Variants in FES observed in about 807,000 individuals in gnomAD.
FES encodes FES proto-oncogene, tyrosine kinase.
In FES, 83 loss-of-function variants were observed where a neutral mutation model predicts 109.6. The ratio of observed to expected loss-of-function variants is 0.76; its 90% CI spans 0.63 to 0.91. The LOEUF (loss-of-function observed/expected upper bound fraction) is 0.91, where lower values mean the gene tolerates loss of function less well. Among genes scored for constraint, FES ranks in the 40% least tolerant of loss-of-function variants. The probability of loss-of-function intolerance (pLI) is 0.00; values close to 1 mark genes in which losing one functional copy is unlikely to be tolerated. For synonymous variants in FES, 458 were observed against 442.1 expected, an observed-to-expected ratio of 1.04 and a Z score of -0.45; for missense variants, 943 against 1,070.9, an observed-to-expected ratio of 0.88 and a Z score of 1.67.
intron 18 of FES, 141 bp downstream of exon 18, chr15:90,894,199 C>T (rs1454637547): frequency 7.9e-6 from 8 of 1,014,676 alleles, no homozygotes; most frequent in East Asian, 2.4e-5. Context: ...CCTGTCATCC[C>T]AGCACTTTGG....
chr15:90,888,168 T>C (rs567859346), intron 5 of FES, among the ~76,000 whole-genome samples: 159 of 152,310 alleles, frequency 1.0e-3, no homozygotes, highest in Middle Eastern at 6.8e-3. Flanking sequence ...TGCAGTGGCA[T>C]GATCTCGGCT....
chr15:90,886,957 C>T lies in FES; in HGVS notation c.388-4C>T. ...CCCCACACTGGCCTCTCCTCTCTCC[C>T]TAGACCCACAGCCAGGACATTGAGA... On this transcript the variant is annotated splice_region_variant and splice_polypyrimidine_tract_variant and intron_variant, in intron 3 of 18. Transcript: ENST00000328850. 1 of 1,614,052 alleles carries T rather than the reference C, an allele frequency of 6.2e-7. No individual in the cohort carries two copies. Among genetic ancestry groups the T allele is most frequent in the African/African-American group, 1.3e-5 (1 of 75,062 alleles).
At chr15:90,887,129 G>A (rs2032720525) in intron 4 of FES, 58 bp from the exon 5 acceptor site, 2 of 1,612,306 alleles carry the variant, frequency 1.2e-6, no homozygotes, top group African/African-American at 1.3e-5. Flanking sequence ...TACCCAGAGA[G>A]TGGGGGCTGC....
In FES at chr15:90,887,177, C is replaced by A; in HGVS notation, c.485-10C>A. On this transcript the variant is annotated splice_polypyrimidine_tract_variant and intron_variant, in intron 4 of 18. Coordinates refer to ENST00000328850, the MANE Select transcript of FES (RefSeq NM_002005.4). ...GCTGTCATCTATACCCCTTGCCCCCCTTCTGGCAGACAAGGACCGTGACAA... is the reference window on the plus strand; with the variant it reads ...GCTGTCATCTATACCCCTTGCCCCCATTCTGGCAGACAAGGACCGTGACAA... 2 of 1,612,464 alleles carry A rather than the reference C, an allele frequency of 1.2e-6. No individual in the cohort carries two copies. The highest frequency in any genetic ancestry group is 1.7e-6 in the Non-Finnish European group (2 of 1,178,890).
At chr15:90,895,283 C>A in intron 18 of FES, 133 bp from the exon 19 acceptor site, 1 of 740,988 alleles carries the variant, frequency 1.3e-6, no homozygotes, top group Non-Finnish European at 2.0e-6. Flanking sequence ...CCTTTGGGCC[C>A]TTGGTGGAGA....
chr15:90,891,108 CG>C lies in FES; in HGVS notation c.1450del (p.Glu484ArgfsTer48). 1 of 1,587,340 alleles carries C rather than the reference CG, an allele frequency of 6.3e-7. No homozygotes were observed. Among genetic ancestry groups the C allele is most frequent in the Non-Finnish European group, 8.6e-7 (1 of 1,166,680 alleles). On this transcript the variant is annotated frameshift_variant, in exon 11 of 19. Coordinates refer to ENST00000328850, the MANE Select transcript of FES (RefSeq NM_002005.4). LOFTEE classifies it high-confidence loss of function. ...LLVHSGDFLV[R>X]ESQGKQEYVL... is the part of the protein sequence containing the mutation. ...GGTGCACTCTGGGGACTTCCTGGTG[CG>C]GGAGAGCCAGGGCAAGCAGGAGTAC...
At chr15:90,885,928 CTGTT>C (rs1387843209) in intron 3 of FES, among the ~76,000 whole-genome samples, 1 of 151,804 alleles carries the variant, frequency 6.6e-6, no homozygotes, top group Non-Finnish European at 1.5e-5. Context: ...GAGGGTCAGT[CTGTT>C]TGCCTTCGAC....
rs1293284912 is a variant in FES at position 90,891,921 on chromosome 15, T to C, written c.1654-137T>C. The C allele has an allele frequency of 1.3e-5, 15 of 1,140,250 alleles. No homozygotes were observed. In the East Asian group the frequency reaches 3.3e-4, roughly 25 times the overall value. 70.6% of individuals were successfully genotyped at this position (1,140,250 alleles called of 1,614,324 possible). A position where few individuals can be genotyped will look rare whatever the true frequency, so the allele number is the denominator to read the frequency against. On this transcript the variant is annotated intron_variant, in intron 12 of 18. Transcript: ENST00000328850. ...CAGGGCACCTGCCTGGACCCCGTAG[T>C]CATCTCAGTGTGCTCCCCACGTGGT...
Position 90,893,081 on chromosome 15 carries a change from G to T in FES, c.1827-19G>T. On this transcript the variant is annotated intron_variant, in intron 14 of 18. Transcript: ENST00000328850. ...AGGCGGGCCTGGCCACGTAGATCCT[G>T]AGCAGCAGTGCCCTCCAGGATCCTG... 6.2e-7 allele frequency: 1 copy of T among 1,610,464 alleles called. No individual in the cohort carries two copies. The highest frequency in any genetic ancestry group is 1.1e-5 in the South Asian group (1 of 90,568).
intron 18 of FES, among the ~76,000 whole-genome samples, chr15:90,894,939 A>G (rs1486190797): frequency 6.7e-6 from 1 of 149,490 alleles, no homozygotes; most frequent in South Asian, 2.1e-4. Context: ...TAGTGGTGCA[A>G]GCCTGTAATC....
In FES at chr15:90,889,948, C is replaced by T. The variant is rs1486986367; in HGVS notation, c.1035C>T (p.Thr345=). 1.2e-6 allele frequency: 2 copies of T among 1,613,138 alleles called. No homozygotes were observed. The highest frequency in any genetic ancestry group is 1.3e-5 in the African/African-American group (1 of 74,860). ...QQELRNEEEN[T]HPRERVQLLG... ...AGCTCCGGAATGAAGAGGAGAACACCCACCCCCGGGAGCGGTGAGTGGGCC... is the reference window on the plus strand; with the variant it reads ...AGCTCCGGAATGAAGAGGAGAACACTCACCCCCGGGAGCGGTGAGTGGGCC... The change falls in exon 8 of 19, where the codon ACC becomes ACT. Residue 345 remains threonine, a synonymous_variant. Coordinates refer to ENST00000328850, the MANE Select transcript of FES (RefSeq NM_002005.4). The surrounding 1 kb of genome is among the most constrained non-coding windows in gnomAD (Gnocchi z 6.1).
rs761195251 is a variant in FES at position 90,893,759 on chromosome 15, G to C, written c.2151G>C (p.Gly717=). The change falls in exon 17 of 19, where the codon GGG becomes GGC. Residue 717 remains glycine (G), a synonymous_variant. Coordinates refer to ENST00000328850, the MANE Select transcript of FES (RefSeq NM_002005.4). ...CCGATGGGGTCTATGCAGCCTCAGGGGGCCTCAGACAAGTCCCCGTGAAGT... is the reference window on the plus strand; with the variant it reads ...CCGATGGGGTCTATGCAGCCTCAGGCGGCCTCAGACAAGTCCCCGTGAAGT... ...EEADGVYAAS[G]GLRQVPVKWT... 6.2e-7 allele frequency: 1 copy of C among 1,609,194 alleles called. No individual in the cohort carries two copies. The highest frequency in any genetic ancestry group is 8.5e-7 in the Non-Finnish European group (1 of 1,177,598).
At chr15:90,892,273 G>T in intron 13 of FES, 162 bp downstream of exon 13, 1 of 754,000 alleles carries the variant, frequency 1.3e-6, no homozygotes, top group East Asian at 2.6e-5. Flanking sequence ...CCAGGAAACG[G>T]GACAGTACCT....
At position 90,891,004 on chromosome 15, in the gene FES, T is replaced by C; in HGVS notation, c.1343T>C (p.Ile448Thr). 1 of 1,591,602 alleles carries C rather than the reference T, an allele frequency of 6.3e-7. No individual in the cohort carries two copies. The change falls in exon 11 of 19, where the codon ATT (isoleucine) becomes ACT (threonine). Residue 448 changes from isoleucine (I) to threonine (T), a missense_variant. By Grantham distance (89) the Ile-to-Thr change is moderately conservative (BLOSUM62 -1). Coordinates refer to ENST00000328850, the MANE Select transcript of FES (RefSeq NM_002005.4). ...CAGCTCCCTCCACCGCTGCAGCTCATTCCGGAGGTGCAGAAGCCCCTGCAT... is the reference window on the plus strand; with the variant it reads ...CAGCTCCCTCCACCGCTGCAGCTCACTCCGGAGGTGCAGAAGCCCCTGCAT... ...KFSLPPPLQL[I>T]PEVQKPLHEQ...
In FES at chr15:90,893,774, C is replaced by T. The variant is rs1038082581; in HGVS notation, c.2166C>T (p.Val722=). The change falls in exon 17 of 19, where the codon GTC becomes GTT. Residue 722 remains valine, a synonymous_variant. Transcript: ENST00000328850. ...CAGCCTCAGGGGGCCTCAGACAAGT[C>T]CCCGTGAAGTGGACCGCACCTGAGG... ...VYAASGGLRQ[V]PVKWTAPEAL... is the part of the protein sequence containing the mutation. The T allele has an allele frequency of 6.2e-7, 1 of 1,605,478 alleles. No homozygotes were observed. Among genetic ancestry groups the T allele is most frequent in the African/African-American group, 1.3e-5 (1 of 74,596 alleles).
intron 5 of FES, among the ~76,000 whole-genome samples, chr15:90,887,933 C>A (rs975006684): frequency 1.3e-5 from 2 of 152,084 alleles, no homozygotes; most frequent in South Asian, 2.1e-4. Flanking sequence ...GGACTAATAG[C>A]CAGGAACCAG....
chr15:90,889,972 C>G lies in FES; in HGVS notation c.1049+10C>G. The G allele has an allele frequency of 6.2e-7, 1 of 1,612,410 alleles. No individual in the cohort carries two copies. The highest frequency in any genetic ancestry group is 1.1e-5 in the South Asian group (1 of 91,046). On this transcript the variant is annotated intron_variant, in intron 8 of 18. Coordinates refer to ENST00000328850, the MANE Select transcript of FES (RefSeq NM_002005.4). This position sits in a 1 kb window ranked among gnomAD's most constrained non-coding sequence, Gnocchi z 6.1. Reference sequence around the variant, plus strand: ...CCCACCCCCGGGAGCGGTGAGTGGGCCCCTGCCTGCAGCAGCCTCCTGGGC... The same window carrying G: ...CCCACCCCCGGGAGCGGTGAGTGGGGCCCTGCCTGCAGCAGCCTCCTGGGC...
Position 90,889,134 on chromosome 15 carries a change from G to A in FES, c.669-172G>A, listed in dbSNP as rs1169027863. The A allele has an allele frequency of 1.3e-6, 1 of 765,598 alleles. No homozygotes were observed. Among genetic ancestry groups the A allele is most frequent in the East Asian group, 2.7e-5 (1 of 37,430 alleles). 47.4% of individuals were successfully genotyped at this position (765,598 alleles called of 1,614,324 possible). ...CCAGTGTCCCTCTTATATATATCAG[G>A]AAATAGAAGATTAGGGAGAGGTTAA... is the stretch of plus-strand genomic sequence containing the variant. On this transcript the variant is annotated intron_variant, in intron 5 of 18. Coordinates refer to ENST00000328850, the MANE Select transcript of FES (RefSeq NM_002005.4). This position sits in a 1 kb window ranked among gnomAD's most constrained non-coding sequence, Gnocchi z 6.1.
Position 90,889,858 on chromosome 15 carries a change from T to C in FES, c.945T>C (p.Asp315=), listed in dbSNP as rs1279843153. ...GGTGCAGGCTGACCTCAGTGACAGA[T>C]GAGCTGGCTGTGGCCACCGAGATGG... ...SVQHTLTSVT[D]ELAVATEMVF... is the part of the protein sequence containing the mutation. The change falls in exon 8 of 19, where the codon GAT becomes GAC. Residue 315 remains aspartate (D), a synonymous_variant. Transcript: ENST00000328850. This position sits in a 1 kb window ranked among gnomAD's most constrained non-coding sequence, Gnocchi z 6.1. The C allele has an allele frequency of 1.9e-6, 3 of 1,613,532 alleles. No individual in the cohort carries two copies. Among genetic ancestry groups the C allele is most frequent in the Non-Finnish European group, 2.5e-6 (3 of 1,179,888 alleles).
Sources: allele counts gnomAD v4.1 joint callset (sites outside exome capture counted in the v4.1 genomes callset), GRCh38; gene constraint gnomAD v4.1.1; non-coding constraint Gnocchi (gnomAD v3.1); transcripts MANE v1.5; gene names NCBI Gene and HGNC (gene_info 2026-07-23, HGNC 2026-07-21).